CTCFL: variants seen among roughly 807,000 people sequenced by gnomAD.
The protein encoded by CTCFL is transcriptional repressor CTCFL.
Under a neutral mutation model 67.4 loss-of-function variants are expected in CTCFL, and 36 were observed. The ratio of observed to expected loss-of-function variants is 0.53; its 90% CI spans 0.41 to 0.71. The LOEUF is 0.71. CTCFL is among the 30% of genes least tolerant of loss of function. CTCFL has a pLI of 0.00. For synonymous variants in CTCFL, 324 were observed against 302.3 expected (o/e 1.07, Z -0.75); for missense variants, 786 against 835.2 (o/e 0.94, Z 0.73).
At chr20:57,510,564 T>C (rs938070830) in intron 8 of CTCFL, among the ~76,000 whole-genome samples, 2 of 152,224 alleles carry the variant, frequency 1.3e-5, no homozygotes, top group East Asian at 3.9e-4. Context: ...GTCTGACAGC[T>C]CTATTAAAAG....
Position 57,517,790 on chromosome 20 carries a change from G to A in CTCFL, c.1059+968C>T, listed in dbSNP as rs1375286847. Among the ~76,000 whole-genome samples, 3 of 151,954 alleles carry A rather than the reference G, an allele frequency of 2.0e-5. No individual in the cohort carries two copies. In the East Asian group the frequency reaches 5.8e-4, roughly 29 times the overall value. ...GTGCAGACCACTGGCACTGGGGGAGGGTCTCGTGGACCTAGGAAGTTTGTA... is the reference window on the plus strand; with the variant it reads ...GTGCAGACCACTGGCACTGGGGGAGAGTCTCGTGGACCTAGGAAGTTTGTA... On this transcript the variant is annotated intron_variant, in intron 5 of 10. Coordinates refer to ENST00000243914, the MANE Select transcript of CTCFL (RefSeq NM_001386993.1).
At chr20:57,509,024 T>C (rs538874668) in intron 8 of CTCFL, among the ~76,000 whole-genome samples, 2 of 152,338 alleles carry the variant, frequency 1.3e-5, no homozygotes, top group South Asian at 4.1e-4. Flanking sequence ...GATTCCTTGC[T>C]GGCTCTCCTG....
Position 57,518,887 on chromosome 20 carries a change from G to C in CTCFL, c.930C>G (p.Thr310=). The change falls in exon 5 of 11, where the codon ACC becomes ACG. Residue 310 remains threonine (T), a synonymous_variant. Transcript: ENST00000243914. The part of the protein sequence containing the change: ...LRNHVNTHTG[T]RPYKCNDCNM... ...TGCAGTCGTTACACTTGTAGGGCCTGGTTCCTGTAAAATCACATAGTTCAT... is the reference window on the plus strand; with the variant it reads ...TGCAGTCGTTACACTTGTAGGGCCTCGTTCCTGTAAAATCACATAGTTCAT... 1 of 1,610,758 alleles carries C rather than the reference G, an allele frequency of 6.2e-7. No homozygotes were observed. The highest frequency in any genetic ancestry group is 2.2e-5 in the East Asian group (1 of 44,814).
In CTCFL at chr20:57,519,279, G is replaced by T; in HGVS notation, c.853C>A (p.His285Asn). ...GTTTTCAGGCAGAGGTGACACAGGTGAGGCTTCTCACTGGTGTGAGTTTTC... is the reference window on the plus strand; with the variant it reads ...GTTTTCAGGCAGAGGTGACACAGGTTAGGCTTCTCACTGGTGTGAGTTTTC... The part of the protein sequence containing the change: ...HMKTHTSEKP[H>N]LCHLCLKTFR... Residue 285 changes from histidine (H) to asparagine (N), a missense_variant, in exon 4 of 11, where the codon CAC (histidine) becomes AAC (asparagine). Transcript: ENST00000243914. 1 of 1,614,162 alleles carries T rather than the reference G, an allele frequency of 6.2e-7. No individual in the cohort carries two copies. Among genetic ancestry groups the T allele is most frequent in the Non-Finnish European group, 8.5e-7 (1 of 1,180,032 alleles).
Position 57,507,743 on chromosome 20 carries a change from G to C in CTCFL, c.1674+863C>G, listed in dbSNP as rs778436000. 8 of 702,900 alleles carry C rather than the reference G, an allele frequency of 1.1e-5. No individual in the cohort carries two copies. The African/African-American group carries it at 1.4e-4, about 12-fold the overall frequency. The allele number at this position is 702,900 out of a possible 1,614,324, so 43.5% of individuals were successfully genotyped here. On this transcript the variant is annotated intron_variant, in intron 9 of 10. Coordinates refer to ENST00000243914, the MANE Select transcript of CTCFL (RefSeq NM_001386993.1). The stretch of plus-strand genomic sequence containing the variant: ...TGACTGCAGCCTCAGGAGTGGCCCT[G>C]AGCCAGGACCACCCAGTTCAGCCAC...
chr20:57,518,338 G>A (rs769054920), intron 5 of CTCFL, among the ~76,000 whole-genome samples: 1 of 152,186 alleles, frequency 6.6e-6, no homozygotes, highest in South Asian at 2.1e-4. Context: ...AAACGTCTAC[G>A]CTTAAATCTT....
At chr20:57,515,951 G>C (rs1006351841) in intron 5 of CTCFL, 117 bp from the exon 6 acceptor site, 7 of 1,182,450 alleles carry the variant, frequency 5.9e-6, no homozygotes, top group Non-Finnish European at 8.2e-6. Context: ...CAGAGCACCA[G>C]AGCATATTTC....
chr20:57,496,746 AG>A (rs1487565688), downstream of CTCFL, among the ~76,000 whole-genome samples: 1 of 152,226 alleles, frequency 6.6e-6, no homozygotes, highest in Admixed American at 6.5e-5. Context: ...AACGTCCTCA[AG>A]GTTCCCCCAT....
At chr20:57,518,917 T>G in intron 4 of CTCFL, 26 bp from the exon 5 acceptor site, 1 of 1,592,076 alleles carries the variant, frequency 6.3e-7, no homozygotes, top group Non-Finnish European at 8.6e-7. Context: ...GTTCATACTT[T>G]CAAAACAAGA....
intron 9 of CTCFL, among the ~76,000 whole-genome samples, chr20:57,504,749 A>G (rs1187011893): frequency 6.6e-6 from 1 of 151,914 alleles, no homozygotes; most frequent in Non-Finnish European, 1.5e-5. Flanking sequence ...AGAGGCCTAG[A>G]GGAGGTCATG....
At chr20:57,507,337 G>A (rs181589428) in intron 9 of CTCFL, 55 of 496,494 alleles carry the variant, frequency 1.1e-4, no homozygotes, top group African/African-American at 6.6e-4. Context: ...GATTACAAGC[G>A]TGCACTACCA....
chr20:57,507,733 G>T, intron 9 of CTCFL: 1 of 702,988 alleles, frequency 1.4e-6, no homozygotes. Context: ...GCAGCCTCAG[G>T]AGTGGCCCTG....
In CTCFL at chr20:57,508,652, G is replaced by A. The variant is rs747605658; in HGVS notation, c.1628C>T (p.Pro543Leu). The change falls in exon 9 of 11, where the codon CCG becomes CTG. Residue 543 changes from proline (P) to leucine (L), a missense_variant. Pro to Leu is a moderately conservative substitution (Grantham distance 98). Coordinates refer to ENST00000243914, the MANE Select transcript of CTCFL (RefSeq NM_001386993.1). ...ACACTTGGAGCATTTGTAAACAGTCGGGATGAAATTTGCATCGTGGTATTT... is the reference window on the plus strand; with the variant it reads ...ACACTTGGAGCATTTGTAAACAGTCAGGATGAAATTTGCATCGTGGTATTT... The part of the protein sequence containing the change: ...FRKYHDANFI[P>L]TVYKCSKCGK... 8.1e-6 allele frequency: 13 copies of A among 1,613,992 alleles called. No homozygotes were observed. The highest frequency in any genetic ancestry group is 1.7e-5 in the Admixed American group (1 of 59,988).
At position 57,498,160 on chromosome 20, in the gene CTCFL, T is replaced by C. The variant is rs544181360; in HGVS notation, c.*390A>G. 2 of 991,118 alleles carry C rather than the reference T, an allele frequency of 2.0e-6. No homozygotes were observed. Among genetic ancestry groups the C allele is most frequent in the South Asian group, 4.6e-5 (1 of 21,714 alleles). 61.4% of individuals were successfully genotyped at this position (991,118 alleles called of 1,614,324 possible). The stretch of plus-strand genomic sequence containing the variant: ...GAAGCACTAGCTGGTCTAGACTATT[T>C]TGAAATATCCAAAAATCACTACTCA... On this transcript the variant is annotated 3_prime_UTR_variant, in exon 11 of 11. Coordinates refer to ENST00000243914, the MANE Select transcript of CTCFL (RefSeq NM_001386993.1).
intron 3 of CTCFL, among the ~76,000 whole-genome samples, chr20:57,522,261 C>G (rs1317479201): frequency 6.6e-6 from 1 of 152,146 alleles, no homozygotes; most frequent in Non-Finnish European, 1.5e-5. Flanking sequence ...TCCCAGGCAC[C>G]TGATGCCAGG....
chr20:57,515,902 G>A (rs1478980476), intron 5 of CTCFL, 68 bp from the exon 6 acceptor site: 2 of 1,506,984 alleles, frequency 1.3e-6, no homozygotes, highest in Admixed American at 2.0e-5. Flanking sequence ...CCATTAATCA[G>A]CATTGTAAAA....
At chr20:57,512,448 C>T (rs2068624714) in intron 8 of CTCFL, 144 bp downstream of exon 8, 1 of 765,324 alleles carries the variant, frequency 1.3e-6, no homozygotes, top group Non-Finnish European at 2.1e-6. Context: ...ATGACTGGCT[C>T]ACAGTTGCTT....
chr20:57,516,276 G>A (rs189322106), intron 5 of CTCFL, among the ~76,000 whole-genome samples: 3 of 152,182 alleles, frequency 2.0e-5, no homozygotes, highest in Middle Eastern at 3.4e-3. Context: ...GGTGGCTCAC[G>A]CCTGTAATCC....
chr20:57,524,250 G>C lies in CTCFL; in HGVS notation c.-11-34C>G, dbSNP rs114907239. On this transcript the variant is annotated intron_variant, in intron 1 of 10. Transcript: ENST00000243914. ...AAAATAAGCAAGCGGTTTCCATAGG[G>C]GGGAGAAGGGGGTGGTATGAGGAGG... 1.4e-3 allele frequency: 2,138 copies of C among 1,569,376 alleles called. 30 individuals carry two copies. In the African/African-American group the frequency reaches 0.025, roughly 19 times the overall value.
Sources: allele counts gnomAD v4.1 joint callset (sites outside exome capture counted in the v4.1 genomes callset), GRCh38; gene constraint gnomAD v4.1.1; transcripts MANE v1.5; gene names NCBI Gene and HGNC (gene_info 2026-07-23, HGNC 2026-07-21).